The following NARS2 variants were observed in gnomAD, a reference collection of about 807,000 sequenced individuals.
NARS2 encodes asparaginyl-tRNA synthetase.
A neutral mutation model predicts 62.9 loss-of-function variants in NARS2; 60 were observed. The ratio of observed to expected loss-of-function variants is 0.95; its 90% confidence interval spans 0.77 to 1.18. The LOEUF (loss-of-function observed/expected upper bound fraction) is 1.18. Ranked by LOEUF, NARS2 falls within the 50% of genes most tolerant of loss-of-function variation. The pLI is 0.00. For missense variants in NARS2, 619 were observed against 576.4 expected, an observed-to-expected ratio of 1.07 and a Z score of -0.76; for synonymous variants, 196 against 200.0, an observed-to-expected ratio of 0.98 and a Z score of 0.17.
chr11:78,499,296 T>G (rs76750701), intron 6 of NARS2, among the ~76,000 whole-genome samples: 1,826 of 152,258 alleles, frequency 0.012, 26 homozygotes, highest in African/African-American at 0.042. Flanking sequence ...TAAAATATGC[T>G]GATCCCCAAA....
At chr11:78,539,801 G>A (rs1433040389) in intron 5 of NARS2, among the ~76,000 whole-genome samples, 4 of 152,150 alleles carry the variant, frequency 2.6e-5, no homozygotes, top group African/African-American at 4.8e-5. Context: ...AAAGTCCTGC[G>A]TAACTAAGCC....
intron 4 of NARS2, among the ~76,000 whole-genome samples, chr11:78,564,603 A>T (rs1202768176): frequency 6.6e-6 from 1 of 152,146 alleles, no homozygotes; most frequent in Non-Finnish European, 1.5e-5. Context: ...TGTCAATACC[A>T]CCACCTAGTG....
chr11:78,545,524 C>CT (rs888860047), intron 5 of NARS2, among the ~76,000 whole-genome samples: 4,610 of 134,808 alleles, frequency 0.034, 239 homozygotes, highest in African/African-American at 0.11. Flanking sequence ...ATGCTTTTTC[C>CT]TTTTTTTTTT....
chr11:78,510,062 A>C (rs975478626), intron 6 of NARS2, among the ~76,000 whole-genome samples: 5 of 152,180 alleles, frequency 3.3e-5, no homozygotes, highest in Non-Finnish European at 7.4e-5. Context: ...GTAATGCAGA[A>C]AACAAGGGAC....
chr11:78,521,058 C>CA (rs1306060501), intron 6 of NARS2, among the ~76,000 whole-genome samples: 2,647 of 46,938 alleles, frequency 0.056, 127 homozygotes, highest in African/African-American at 0.15. Flanking sequence ...GACTCTGTCT[C>CA]CAAAAAAAAA....
intron 6 of NARS2, 72 bp downstream of exon 6, chr11:78,528,770 G>T: frequency 1.0e-6 from 1 of 968,072 alleles, no homozygotes; most frequent in South Asian, 1.4e-5. Context: ...TTTTAGGTTT[G>T]AGCATGGGAA....
intron 5 of NARS2, among the ~76,000 whole-genome samples, chr11:78,542,514 T>C (rs1855659434): frequency 6.6e-6 from 1 of 152,158 alleles, no homozygotes; most frequent in South Asian, 2.1e-4. Flanking sequence ...TATGATAAGA[T>C]ATGGTCCTAG....
intron 4 of NARS2, among the ~76,000 whole-genome samples, chr11:78,565,247 C>A (rs1054064429): frequency 6.6e-6 from 1 of 152,110 alleles, no homozygotes; most frequent in Non-Finnish European, 1.5e-5. Flanking sequence ...TGATCAACAC[C>A]AGTAACTCTT....
intron 6 of NARS2, among the ~76,000 whole-genome samples, chr11:78,526,310 C>G (rs1038957024): frequency 6.6e-6 from 1 of 152,042 alleles, no homozygotes; most frequent in African/African-American, 2.4e-5. Context: ...GAACCATAAA[C>G]CCACTAAAGC....
intron 11 of NARS2, among the ~76,000 whole-genome samples, chr11:78,451,242 C>T (rs1857960029): frequency 6.6e-6 from 1 of 152,188 alleles, no homozygotes; most frequent in Non-Finnish European, 1.5e-5. Context: ...CTAAAGATCA[C>T]TAGAACAATT....
intron 4 of NARS2, among the ~76,000 whole-genome samples, 176 bp downstream of exon 4, chr11:78,565,956 C>G (rs539175668): frequency 6.6e-6 from 1 of 152,318 alleles, no homozygotes; most frequent in East Asian, 1.9e-4. Context: ...TTCACAATGT[C>G]TGGCACCCAA....
chr11:78,566,558 T>C lies in NARS2; in HGVS notation c.373-286A>G, dbSNP rs556656875. ...TGTTATTTATCAAGTTTGTATCCAT[T>C]AGCTGTGAACCACTTCCTACAAATA... is the stretch of plus-strand genomic sequence containing the variant. On this transcript the variant is annotated intron_variant, in intron 3 of 13. Coordinates refer to ENST00000281038, the MANE Select transcript of NARS2 (RefSeq NM_024678.6). 3.9e-5 allele frequency among the ~76,000 whole-genome samples: 6 copies of C among 152,334 alleles called. No individual in the cohort carries two copies. In the South Asian group the frequency reaches 1.2e-3, roughly 32 times the overall value.
intron 6 of NARS2, among the ~76,000 whole-genome samples, chr11:78,513,346 CTTT>C (rs71046977): frequency 7.0e-6 from 1 of 142,012 alleles, no homozygotes. Flanking sequence ...TTCACTCTTT[CTTT>C]TTTTTTTTTT....
rs1483517655 is a variant in NARS2, at chr11:78,521,523, G to A, written c.689+7319C>T. 2.6e-5 allele frequency among the ~76,000 whole-genome samples: 4 copies of A among 152,030 alleles called. No individual in the cohort carries two copies. The East Asian group carries it at 7.8e-4, about 30-fold the overall frequency. On this transcript the variant is annotated intron_variant, in intron 6 of 13. Transcript: ENST00000281038. ...GAAAAGCCCGGGGCCGGGCGCGGTG[G>A]CTCACGCCTGTAATCCCAGCACTTT... is the stretch of plus-strand genomic sequence containing the variant.
chr11:78,542,182 G>A (rs1205067346), intron 5 of NARS2, among the ~76,000 whole-genome samples: 1 of 152,168 alleles, frequency 6.6e-6, no homozygotes, highest in East Asian at 1.9e-4. Flanking sequence ...ACAACTATTT[G>A]ATCAGCAGGA....
chr11:78,497,455 A>C (rs148238843), intron 6 of NARS2, among the ~76,000 whole-genome samples: 2 of 152,166 alleles, frequency 1.3e-5, no homozygotes, highest in African/African-American at 4.8e-5. Context: ...CTTATTCAGC[A>C]TAAGACTGAT....
chr11:78,569,423 G>C (rs1393188784), intron 2 of NARS2, among the ~76,000 whole-genome samples: 1 of 152,184 alleles, frequency 6.6e-6, no homozygotes, highest in Non-Finnish European at 1.5e-5. Flanking sequence ...CCAAAGTGCT[G>C]GGATTAGAGG....
At chr11:78,461,602 TAAAAAAAAAAA>T (rs59664343) in intron 11 of NARS2, among the ~76,000 whole-genome samples, 1,979 of 64,084 alleles carry the variant, frequency 0.031, 66 homozygotes, top group African/African-American at 0.11. Flanking sequence ...GCTGTGCTGG[TAAAAAAAAAAA>T]AAAAAAAAAA....
At chr11:78,441,718 A>G (rs1857581967) in intron 12 of NARS2, among the ~76,000 whole-genome samples, 1 of 152,060 alleles carries the variant, frequency 6.6e-6, no homozygotes, top group Admixed American at 6.6e-5. Context: ...CTCAAAAAAA[A>G]AAAAAGAAAA....
Sources: gnomAD v4.1 joint callset for allele counts (sites outside exome capture counted in the v4.1 genomes callset) on GRCh38, gnomAD v4.1.1 for gene constraint, MANE v1.5 for transcripts, NCBI Gene and HGNC (gene_info 2026-07-23, HGNC 2026-07-21) for gene names.